Variants in SOCS5 observed in about 807,000 individuals in gnomAD.
SOCS5 encodes suppressor of cytokine signaling 5, also known as CIS-6.
Under a neutral mutation model 42.8 loss-of-function variants are expected in SOCS5, and 32 were observed. The observed-to-expected ratio is 0.75, with a 90% CI of 0.56 to 1.01. SOCS5 has a LOEUF of 1.01. Among genes scored for constraint, SOCS5 ranks in the 50% least tolerant of loss-of-function variants. The probability of loss-of-function intolerance (pLI) is 0.00; values close to 1 mark genes in which losing one functional copy is unlikely to be tolerated. For synonymous variants in SOCS5, 283 were observed against 229.6 expected (o/e 1.23, Z -2.10); for missense variants, 627 against 653.0 (o/e 0.96, Z 0.43).
intron 1 of SOCS5, among the ~76,000 whole-genome samples, chr2:46,718,984 A>G (rs1405662662): frequency 6.6e-5 from 10 of 152,228 alleles, no homozygotes; most frequent in Non-Finnish European, 1.3e-4. Context: ...TGTGTATGTT[A>G]CTTATTCATT....
Position 46,760,050 on chromosome 2 carries a change from C to A in SOCS5, c.1520C>A (p.Pro507His). Residue 507 changes from proline to histidine, a missense_variant, in exon 2 of 2, where the codon CCC becomes CAC. Physicochemically the swap from Pro to His is moderately conservative, Grantham distance 77. This residue lies in a region of SOCS5 where 340 missense variants were observed against 367.6 expected (regional missense o/e 0.92). Coordinates refer to ENST00000394861, the MANE Select transcript of SOCS5 (RefSeq NM_144949.3). Reference sequence around the variant, plus strand: ...GATGGAATTGATGGGCTCCCTCTACCCTCAATGTTACAGGATTTTTTAAAA... The same window carrying A: ...GATGGAATTGATGGGCTCCCTCTACACTCAATGTTACAGGATTTTTTAAAA... ...TYDGIDGLPLPSMLQDFLKEY... is the reference protein window; with the variant it reads ...TYDGIDGLPLHSMLQDFLKEY... 6.2e-7 allele frequency: 1 copy of A among 1,613,964 alleles called. No homozygotes were observed. The highest frequency in any genetic ancestry group is 8.5e-7 in the Non-Finnish European group (1 of 1,179,914).
Position 46,713,992 on chromosome 2 carries a change from C to T in SOCS5, c.-13+14543C>T, listed in dbSNP as rs41358644. The stretch of plus-strand genomic sequence containing the variant: ...TTGTTACTGTGTTTTCATTTAATGC[C>T]GTGGTGATCAGAGAACATACATACT... On this transcript the variant is annotated intron_variant, in intron 1 of 1. Coordinates refer to ENST00000394861, the MANE Select transcript of SOCS5 (RefSeq NM_144949.3). Among the ~76,000 whole-genome samples the T allele has an allele frequency of 7.3e-3, 1,109 of 152,054 alleles. 19 individuals are homozygous for T. Among genetic ancestry groups the T allele is most frequent in the African/African-American group, 0.025 (1,033 of 41,474 alleles).
chr2:46,747,550 T>C (rs1673531606), intron 1 of SOCS5, among the ~76,000 whole-genome samples: 1 of 152,060 alleles, frequency 6.6e-6, no homozygotes, highest in South Asian at 2.1e-4. Flanking sequence ...TCTCCATGTG[T>C]TCCCTTTTTT....
chr2:46,721,829 A>C (rs1397690443), intron 1 of SOCS5, among the ~76,000 whole-genome samples: 3 of 152,124 alleles, frequency 2.0e-5, no homozygotes, highest in African/African-American at 7.2e-5. Context: ...GGTTTTACAG[A>C]GGGGTGCAAC....
chr2:46,700,791 A>G (rs1362820307), intron 1 of SOCS5, among the ~76,000 whole-genome samples: 1 of 152,146 alleles, frequency 6.6e-6, no homozygotes, highest in Admixed American at 6.5e-5. Context: ...GTGCACCTCC[A>G]TGGCAGTCCG....
At chr2:46,746,098 A>C (rs1673489366) in intron 1 of SOCS5, among the ~76,000 whole-genome samples, 1 of 151,942 alleles carries the variant, frequency 6.6e-6, no homozygotes, top group Non-Finnish European at 1.5e-5. Flanking sequence ...AATATTATGA[A>C]GGATGCTCCA....
chr2:46,719,375 C>T (rs1029009032), intron 1 of SOCS5, among the ~76,000 whole-genome samples: 1 of 152,180 alleles, frequency 6.6e-6, no homozygotes, highest in Admixed American at 6.5e-5. Context: ...AAGGCAGTCT[C>T]TCATGTTTCA....
At chr2:46,751,274 T>C (rs1013799289) in intron 1 of SOCS5, among the ~76,000 whole-genome samples, 1 of 152,158 alleles carries the variant, frequency 6.6e-6, no homozygotes, top group Non-Finnish European at 1.5e-5. Flanking sequence ...AGATTCAGCT[T>C]TTTTCCAGAG....
chr2:46,738,331 A>G (rs1673298035), intron 1 of SOCS5, among the ~76,000 whole-genome samples: 1 of 152,206 alleles, frequency 6.6e-6, no homozygotes, highest in South Asian at 2.1e-4. Context: ...CTGGCAGTGA[A>G]AGTAGACAGA....
chr2:46,754,687 C>G (rs1449049110), intron 1 of SOCS5, among the ~76,000 whole-genome samples: 1 of 151,558 alleles, frequency 6.6e-6, no homozygotes, highest in African/African-American at 2.4e-5. Context: ...TATTTTTTAC[C>G]CACAAAATAG....
chr2:46,755,306 C>T (rs1247520907), intron 1 of SOCS5, among the ~76,000 whole-genome samples: 2 of 152,100 alleles, frequency 1.3e-5, no homozygotes, highest in Non-Finnish European at 2.9e-5. Flanking sequence ...TTGAAATAAA[C>T]TCCTGGGAAT....
Position 46,759,276 on chromosome 2 carries a change from C to G in SOCS5, c.746C>G (p.Thr249Arg), listed in dbSNP as rs756714993. Reference protein sequence around the residue: ...PVSPHSTFFDTFDPSLVSTED... With the variant: ...PVSPHSTFFDRFDPSLVSTED... ...AGCCCACATTCAACATTTTTTGATA[C>G]ATTTGATCCATCTTTGGTTTCTACA... The change falls in exon 2 of 2, where the codon ACA (threonine) becomes AGA (arginine). Residue 249 changes from threonine to arginine, a missense_variant. By Grantham distance (71) the Thr-to-Arg change is moderately conservative. Transcript: ENST00000394861. 6.2e-7 allele frequency: 1 copy of G among 1,613,846 alleles called. No homozygotes were observed. The highest frequency in any genetic ancestry group is 1.3e-5 in the African/African-American group (1 of 74,932).
chr2:46,753,879 C>T (rs974446220), intron 1 of SOCS5, among the ~76,000 whole-genome samples: 1 of 152,090 alleles, frequency 6.6e-6, no homozygotes, highest in Admixed American at 6.6e-5. Flanking sequence ...CTTTTAACAT[C>T]CTAATGCATT....
At chr2:46,746,577 A>C (rs368097683) in intron 1 of SOCS5, among the ~76,000 whole-genome samples, 35 of 151,662 alleles carry the variant, frequency 2.3e-4, no homozygotes, top group African/African-American at 8.0e-4. Flanking sequence ...TGTGAACCTG[A>C]GAGGTAGAGG....
chr2:46,738,469 G>A (rs1170944852), intron 1 of SOCS5, among the ~76,000 whole-genome samples: 1 of 152,128 alleles, frequency 6.6e-6, no homozygotes, highest in East Asian at 1.9e-4. Context: ...TACAATCCTG[G>A]TAAATAACAT....
chr2:46,707,217 C>T (rs1280162686), intron 1 of SOCS5, among the ~76,000 whole-genome samples: 1 of 152,120 alleles, frequency 6.6e-6, no homozygotes, highest in East Asian at 1.9e-4. Context: ...GGTATTACAT[C>T]TATAACGGAA....
chr2:46,759,112 C>T lies in SOCS5; in HGVS notation c.582C>T (p.Tyr194=), dbSNP rs777292443. ...TVGLCFPMRT[Y]SKQSKPLFSN... ...GCTTGTGTTTTCCCATGAGAACTTA[C>T]AGCAAGCAGTCAAAGCCTCTCTTTT... is the stretch of plus-strand genomic sequence containing the variant. Residue 194 remains tyrosine (Y), a synonymous_variant, in exon 2 of 2, where the codon TAC becomes TAT. Coordinates refer to ENST00000394861, the MANE Select transcript of SOCS5 (RefSeq NM_144949.3). The T allele has an allele frequency of 3.7e-6, 6 of 1,613,968 alleles. No individual in the cohort carries two copies. In the East Asian group the frequency reaches 1.1e-4, roughly 30 times the overall value.
At position 46,759,915 on chromosome 2, in the gene SOCS5, C is replaced by T. The variant is rs1328145841; in HGVS notation, c.1385C>T (p.Pro462Leu). 1 of 1,614,070 alleles carries T rather than the reference C, an allele frequency of 6.2e-7. No homozygotes were observed. The highest frequency in any genetic ancestry group is 1.7e-5 in the Admixed American group (1 of 60,016). ...GGACTTTTAGAACATTATAAAGATC[C>T]CAGTTCGTGCATGTTTTTTGAACCA... is the stretch of plus-strand genomic sequence containing the variant. ...VTGLLEHYKDPSSCMFFEPLL... is the reference protein window; with the variant it reads ...VTGLLEHYKDLSSCMFFEPLL... The change falls in exon 2 of 2, where the codon CCC (proline) becomes CTC (leucine). Residue 462 changes from proline (P) to leucine (L), a missense_variant. Around this residue, in one of 3 missense-constraint regions of SOCS5, gnomAD observed 340 missense variants for 367.6 expected, o/e 0.92. Coordinates refer to ENST00000394861, the MANE Select transcript of SOCS5 (RefSeq NM_144949.3).
chr2:46,731,144 C>T (rs142049445), intron 1 of SOCS5, among the ~76,000 whole-genome samples: 1 of 152,210 alleles, frequency 6.6e-6, no homozygotes, highest in African/African-American at 2.4e-5. Context: ...TGTTCGTATT[C>T]CCCCCAAAAT....
Sources: gnomAD v4.1 joint callset for allele counts (sites outside exome capture counted in the v4.1 genomes callset) on GRCh38, gnomAD v4.1.1 for gene constraint, gnomAD v4.1.1 regional missense constraint, MANE v1.5 for transcripts, NCBI Gene and HGNC (gene_info 2026-07-23, HGNC 2026-07-21) for gene names.